Variants in DYRK1A observed in about 807,000 individuals in gnomAD.
DYRK1A encodes the protein dual specificity tyrosine phosphorylation regulated kinase 1A, also known as dual specificity tyrosine-phosphorylation-regulated kinase 1A.
In DYRK1A, 9 loss-of-function variants were observed where a neutral mutation model predicts 79.7. The observed-to-expected ratio is 0.11, with a 90% CI of 0.07 to 0.20. DYRK1A has a LOEUF of 0.20. Ranked by LOEUF, DYRK1A falls within the 10% of genes least tolerant of loss-of-function variation. The pLI is 1.00. For missense variants in DYRK1A, 622 were observed against 956.0 expected, an observed-to-expected ratio of 0.65 and a Z score of 4.61; for synonymous variants, 349 against 329.7, an observed-to-expected ratio of 1.06 and a Z score of -0.63.
At chr21:37,365,967 G>A (rs1322624251), upstream of DYRK1A, 2 of 152,168 alleles carry the variant, frequency 1.3e-5, no homozygotes, top group East Asian at 1.9e-4. Context: ...CCCGACCGGA[G>A]CCAGGTGCCA....
At chr21:37,454,656 C>T (rs986493869) in intron 2 of DYRK1A, among the ~76,000 whole-genome samples, 2 of 152,088 alleles carry the variant, frequency 1.3e-5, no homozygotes, top group African/African-American at 4.8e-5. Context: ...GAAAACACCA[C>T]CTTTCTGATG....
At position 37,472,913 on chromosome 21, in the gene DYRK1A, GA is replaced by G. The variant is rs758772591; in HGVS notation, c.207+35del. ...CATGGAGTATCAGAAATGACTATTGGAATGGCAGTTTATTCCTTAAAAATGT... is the reference window on the plus strand; with the variant it reads ...CATGGAGTATCAGAAATGACTATTGGATGGCAGTTTATTCCTTAAAAATGT... On this transcript the variant is annotated intron_variant, in intron 3 of 11. Coordinates refer to ENST00000647188, the MANE Select transcript of DYRK1A (RefSeq NM_001347721.2). 4 of 1,414,536 alleles carry G rather than the reference GA, an allele frequency of 2.8e-6. No individual in the cohort carries two copies. The African/African-American group carries it at 4.3e-5, about 15-fold the overall frequency. The allele number at this position is 1,414,536 out of a possible 1,614,324, so 87.6% of individuals were successfully genotyped here.
chr21:37,475,724 C>T (rs780868174), intron 3 of DYRK1A, among the ~76,000 whole-genome samples: 3 of 152,180 alleles, frequency 2.0e-5, no homozygotes, highest in Non-Finnish European at 4.4e-5. Flanking sequence ...AGCACACACT[C>T]ATATTGAGTG....
chr21:37,386,705 A>G (rs886234738), intron 1 of DYRK1A, among the ~76,000 whole-genome samples: 1 of 151,400 alleles, frequency 6.6e-6, no homozygotes. Flanking sequence ...TTCCAGGGAC[A>G]GGCTCAGGGG....
intron 8 of DYRK1A, among the ~76,000 whole-genome samples, chr21:37,495,152 TTGTGTGTGTGTGTGTGTGTGTGTGTGTG>T (rs56226706): frequency 0.011 from 1,470 of 137,742 alleles, 12 homozygotes; most frequent in Non-Finnish European, 0.016. Flanking sequence ...CTCTGGGATT[TTGTGTGTGTGTGTGTGTGTGTGTGTGTG>T]TGTGTGTGTG....
At chr21:37,471,357 A>T (rs2052218491) in intron 2 of DYRK1A, among the ~76,000 whole-genome samples, 1 of 152,210 alleles carries the variant, frequency 6.6e-6, no homozygotes, top group African/African-American at 2.4e-5. Flanking sequence ...GGTGGAAAGT[A>T]GAGGTGGAAC....
chr21:37,466,095 A>C (rs2052016445), intron 2 of DYRK1A, among the ~76,000 whole-genome samples: 1 of 152,228 alleles, frequency 6.6e-6, no homozygotes, highest in Admixed American at 6.5e-5. Context: ...AACAGCAGTA[A>C]TCAAGGGAAC....
intron 1 of DYRK1A, chr21:37,367,952 CTCCTCCTCCTCT>C (rs1248326433): frequency 6.2e-6 from 1 of 161,344 alleles, no homozygotes; most frequent in Admixed American, 6.5e-5. Flanking sequence ...CTTCCTCCTC[CTCCTCCTCCTCT>C]TCCTCCTCAT....
At chr21:37,450,093 T>C (rs149329966) in intron 2 of DYRK1A, among the ~76,000 whole-genome samples, 1 of 152,304 alleles carries the variant, frequency 6.6e-6, no homozygotes, top group East Asian at 1.9e-4. Flanking sequence ...GCCTCCACTG[T>C]GGATAGTCTC....
At chr21:37,499,163 C>T (rs780697510) in intron 9 of DYRK1A, among the ~76,000 whole-genome samples, 5 of 151,802 alleles carry the variant, frequency 3.3e-5, no homozygotes, top group Non-Finnish European at 5.9e-5. Context: ...CTTTTTTTAT[C>T]CTGAAAAATC....
rs189150719 is a variant in DYRK1A, at chr21:37,431,364, T to C, written c.10+10980T>C. 3.2e-4 allele frequency among the ~76,000 whole-genome samples: 49 copies of C among 152,356 alleles called. 1 individual carries two copies. In the East Asian group the frequency reaches 4.8e-3, roughly 15 times the overall value. ...CTGGTAGTATGTTTTAAGAGCTGGGTGGCCTTCCTGGCCTTTGTAAACATT... is the reference window on the plus strand; with the variant it reads ...CTGGTAGTATGTTTTAAGAGCTGGGCGGCCTTCCTGGCCTTTGTAAACATT... On this transcript the variant is annotated intron_variant, in intron 2 of 11. Transcript: ENST00000647188.
At chr21:37,462,775 A>G (rs2051885978) in intron 2 of DYRK1A, among the ~76,000 whole-genome samples, 1 of 152,092 alleles carries the variant, frequency 6.6e-6, no homozygotes, top group South Asian at 2.1e-4. Context: ...TGTACCCTGG[A>G]AAGTGCCTCT....
intron 3 of DYRK1A, among the ~76,000 whole-genome samples, chr21:37,474,218 T>C (rs1261253823): frequency 6.6e-6 from 1 of 152,228 alleles, no homozygotes; most frequent in Non-Finnish European, 1.5e-5. Flanking sequence ...AAACTTCCAG[T>C]CCTTTAAAGT....
rs2050445802 is a variant in DYRK1A at position 37,420,483 on chromosome 21, G to A, written c.10+99G>A. ...GGAGGTTTCTGATAAATAGCAGTTA[G>A]TGGGGGGAATTGTAGATCAGTAAAT... On this transcript the variant is annotated intron_variant, in intron 2 of 11. Transcript: ENST00000647188. The A allele has an allele frequency of 1.8e-5, 23 of 1,251,052 alleles. No homozygotes were observed. In the South Asian group the frequency reaches 2.7e-4, roughly 15 times the overall value. The allele number at this position is 1,251,052 out of a possible 1,614,324, so 77.5% of individuals were successfully genotyped here.
chr21:37,501,989 C>G (rs1361265380), intron 9 of DYRK1A: 1 of 152,168 alleles, frequency 6.6e-6, no homozygotes, highest in Non-Finnish European at 1.5e-5. Flanking sequence ...AAATGTCCCT[C>G]TTTGTCTCTA....
intron 2 of DYRK1A, among the ~76,000 whole-genome samples, chr21:37,463,347 A>T (rs949341851): frequency 6.6e-6 from 1 of 152,210 alleles, no homozygotes; most frequent in Admixed American, 6.5e-5. Flanking sequence ...GCATAGTCAC[A>T]GTCATTGCTT....
chr21:37,457,017 CTTACTTACTTACTTACTTACTTAT>C (rs1241100764), intron 2 of DYRK1A, among the ~76,000 whole-genome samples: 39 of 116,066 alleles, frequency 3.4e-4, no homozygotes, highest in African/African-American at 1.3e-3. Context: ...AGAAAATTTA[CTTACTTACTTACTTACTTACTTAT>C]TTATTTATTT....
chr21:37,444,976 A>G (rs2051221867), intron 2 of DYRK1A, among the ~76,000 whole-genome samples: 1 of 152,116 alleles, frequency 6.6e-6, no homozygotes, highest in South Asian at 2.1e-4. Flanking sequence ...GTGACATGCA[A>G]TTATTTCCAT....
intron 3 of DYRK1A, 61 bp downstream of exon 3, chr21:37,472,941 G>T: frequency 1.5e-6 from 2 of 1,297,196 alleles, no homozygotes; most frequent in Admixed American, 2.5e-5. Context: ...TAAAAATGTT[G>T]GAATACTAAG....
Sources: allele counts gnomAD v4.1 joint callset (sites outside exome capture counted in the v4.1 genomes callset), GRCh38; gene constraint gnomAD v4.1.1; transcripts MANE v1.5; gene names NCBI Gene and HGNC (gene_info 2026-07-23, HGNC 2026-07-21).